CR2: variants seen among roughly 807,000 people sequenced by gnomAD.
The protein encoded by CR2 is complement C3d receptor 2.
CR2 carries 96 observed loss-of-function variants against 123.0 expected under a neutral mutation model. That is an observed-to-expected ratio of 0.78 (90% CI 0.66 to 0.93). The LOEUF is 0.93. CR2 is among the 40% of genes least tolerant of loss of function. CR2 has a pLI of 0.00. For missense variants in CR2, 1,258 were observed against 1,361.0 expected (o/e 0.92, Z 1.19); for synonymous variants, 484 against 469.5 (o/e 1.03, Z -0.40).
chr1:207,462,652 C>A (rs1657995683), intron 1 of CR2, among the ~76,000 whole-genome samples: 1 of 152,070 alleles, frequency 6.6e-6, no homozygotes, highest in Admixed American at 6.6e-5. Flanking sequence ...TTCAGTGATC[C>A]AATGAGAGAC....
intron 1 of CR2, among the ~76,000 whole-genome samples, chr1:207,463,727 C>T (rs1212116809): frequency 6.6e-6 from 1 of 152,090 alleles, no homozygotes; most frequent in Non-Finnish European, 1.5e-5. Flanking sequence ...GATTTCTTAT[C>T]TCTTTGTCTT....
rs1268655315 is a variant in CR2 at position 207,471,467 on chromosome 1, T to C, written c.1538T>C (p.Ile513Thr). ...GSVYQECQGT[I>T]PWFMEIRLCK... ...GTTTATCAGGAGTGTCAAGGCACAA[T>C]TCCTTGGTTTATGGAGATTCGTCTT... The change falls in exon 9 of 20, where the codon ATT becomes ACT. Residue 513 changes from isoleucine (I) to threonine (T), a missense_variant. By Grantham distance (89) the Ile-to-Thr change is moderately conservative (BLOSUM62 -1). Transcript: ENST00000367057. The C allele has an allele frequency of 6.2e-7, 1 of 1,612,840 alleles. No homozygotes were observed. Among genetic ancestry groups the C allele is most frequent in the Non-Finnish European group, 8.5e-7 (1 of 1,178,950 alleles).
chr1:207,456,049 G>A (rs1657826073), intron 1 of CR2, among the ~76,000 whole-genome samples: 1 of 152,074 alleles, frequency 6.6e-6, no homozygotes, highest in Non-Finnish European at 1.5e-5. Flanking sequence ...TTCCAATTAT[G>A]AAAACAAAAA....
chr1:207,479,833 C>G lies in CR2; in HGVS notation c.3113-145C>G, dbSNP rs12032512. On this transcript the variant is annotated intron_variant, in intron 17 of 19. Transcript: ENST00000367057. ...AACCTTAAGCTCAACTATGATTATT[C>G]AGGAATTCAGCATTTATGTCCAAGA... 0.43 allele frequency: 293,858 copies of G among 679,218 alleles called. 65,578 individuals carry two copies. Among genetic ancestry groups the G allele is most frequent in the South Asian group, 0.5 (30,472 of 61,516 alleles). The allele number at this position is 679,218 out of a possible 1,614,324, so 42.1% of individuals were successfully genotyped here. A position where few individuals can be genotyped will look rare whatever the true frequency, so the allele number is the denominator to read the frequency against.
At chr1:207,484,054 A>C (rs781010327) in intron 18 of CR2, among the ~76,000 whole-genome samples, 10 of 152,198 alleles carry the variant, frequency 6.6e-5, no homozygotes, top group Non-Finnish European at 1.0e-4. Flanking sequence ...TCCTCATAGG[A>C]AGTCACAAGA....
intron 15 of CR2, among the ~76,000 whole-genome samples, chr1:207,476,644 A>G (rs1415007572): frequency 6.6e-6 from 1 of 152,214 alleles, no homozygotes; most frequent in Non-Finnish European, 1.5e-5. Context: ...TCATTTACAC[A>G]TAGAAAGTTG....
Position 207,469,762 on chromosome 1 carries a change from C to T in CR2, c.885C>T (p.Val295=), listed in dbSNP as rs959152469. The T allele has an allele frequency of 1.5e-5, 25 of 1,613,914 alleles. No individual in the cohort carries two copies. Among genetic ancestry groups the T allele is most frequent in the Non-Finnish European group, 2.1e-5 (25 of 1,179,876 alleles). ...GRHIGNSLAN[V]SYGSIVTYTC... is the part of the protein sequence containing the mutation. ...ATATAGGCAACTCACTAGCAAATGTCTCATATGGAAGCATAGTCACTTACA... is the reference window on the plus strand; with the variant it reads ...ATATAGGCAACTCACTAGCAAATGTTTCATATGGAAGCATAGTCACTTACA... The change falls in exon 6 of 20, where the codon GTC becomes GTT. Residue 295 remains valine, a synonymous_variant. Transcript: ENST00000367057.
chr1:207,487,240 A>C (rs1468779973), intron 19 of CR2, among the ~76,000 whole-genome samples: 1 of 152,204 alleles, frequency 6.6e-6, no homozygotes, highest in Non-Finnish European at 1.5e-5. Flanking sequence ...TGGTAGGCCA[A>C]AAAAATGAGC....
At chr1:207,467,411 T>C (rs1178975160) in intron 2 of CR2, among the ~76,000 whole-genome samples, 3 of 152,190 alleles carry the variant, frequency 2.0e-5, no homozygotes, top group Non-Finnish European at 4.4e-5. Context: ...AGTCATCTTC[T>C]GAGCCATCAC....
rs1294680923 is a variant in CR2, at chr1:207,468,917, T to C, written c.734+18T>C. On this transcript the variant is annotated intron_variant, in intron 4 of 19. Transcript: ENST00000367057. Reference sequence around the variant, plus strand: ...GATGAAGGGTGAGTGTCAGGATTATTTATGAGATTTAATTCATTTGTCTTG... The same window carrying C: ...GATGAAGGGTGAGTGTCAGGATTATCTATGAGATTTAATTCATTTGTCTTG... 1.2e-6 allele frequency: 2 copies of C among 1,610,250 alleles called. No individual in the cohort carries two copies. Among genetic ancestry groups the C allele is most frequent in the Non-Finnish European group, 1.7e-6 (2 of 1,176,878 alleles).
At chr1:207,455,498 A>G (rs1471363087) in intron 1 of CR2, among the ~76,000 whole-genome samples, 3 of 152,332 alleles carry the variant, frequency 2.0e-5, no homozygotes, top group Middle Eastern at 3.4e-3. Flanking sequence ...TGGAGCCAGC[A>G]TTTAAGCTAA....
Position 207,471,094 on chromosome 1 carries a change from G to T in CR2, c.1493+7G>T. ...ACTCTTCTTGTGGTGAAGGGTGAGT[G>T]AAGGCTGACTTAGTCTGACCCAATT... On this transcript the variant is annotated splice_region_variant and intron_variant, in intron 8 of 19. Coordinates refer to ENST00000367057, the MANE Select transcript of CR2 (RefSeq NM_001006658.3). 1 of 1,613,394 alleles carries T rather than the reference G, an allele frequency of 6.2e-7. No homozygotes were observed. The highest frequency in any genetic ancestry group is 8.5e-7 in the Non-Finnish European group (1 of 1,179,700).
intron 6 of CR2, 38 bp downstream of exon 6, chr1:207,470,140 C>A: frequency 6.2e-7 from 1 of 1,610,870 alleles, no homozygotes; most frequent in South Asian, 1.1e-5. Context: ...GCTTCTGATT[C>A]GTTTCTGAAA....
rs746011533 is a variant in CR2 at position 207,485,534 on chromosome 1, C to T, written c.3259C>T (p.Pro1087Ser). The T allele has an allele frequency of 1.2e-6, 2 of 1,611,528 alleles. No homozygotes were observed. Among genetic ancestry groups the T allele is most frequent in the South Asian group, 1.1e-5 (1 of 91,010 alleles). The part of the protein sequence containing the change: ...LEAREVYSVD[P>S]YNPAS Reference sequence around the variant, plus strand: ...AGCACGAGAAGTATATTCTGTTGATCCATACAACCCAGCCAGCTGATCAGA... The same window carrying T: ...AGCACGAGAAGTATATTCTGTTGATTCATACAACCCAGCCAGCTGATCAGA... Residue 1087 changes from proline (P) to serine (S), a missense_variant, in exon 19 of 20, where the codon CCA (proline) becomes TCA (serine). Transcript: ENST00000367057.
rs200320927 is a variant in CR2, at chr1:207,478,071, G to A, written c.3088+1G>A. 6.2e-6 allele frequency: 10 copies of A among 1,613,196 alleles called. No individual in the cohort carries two copies. Among genetic ancestry groups the A allele is most frequent in the East Asian group, 4.5e-5 (2 of 44,786 alleles). ...CCTCCCCTGGCGGTTTGCAGATCCC[G>A]TAAGTACCAAGGGCTTCACCGCCGC... On this transcript the variant is annotated splice_donor_variant, in intron 16 of 19. Transcript: ENST00000367057. LOFTEE classifies it high-confidence loss of function.
Position 207,469,219 on chromosome 1 carries a change from G to A in CR2, c.804G>A (p.Met268Ile), listed in dbSNP as rs1434518931. Reference protein sequence around the residue: ...IAGQGVAWTKMPVCEEIFCPS... With the variant: ...IAGQGVAWTKIPVCEEIFCPS... ...GACAGGGAGTTGCTTGGACCAAAAT[G>A]CCAGTATGTGAAGGTAGGCTAGGCA... Residue 268 changes from methionine (M) to isoleucine (I), a missense_variant, in exon 5 of 20, where the codon ATG (methionine) becomes ATA (isoleucine). Coordinates refer to ENST00000367057, the MANE Select transcript of CR2 (RefSeq NM_001006658.3). 8.1e-6 allele frequency: 13 copies of A among 1,613,604 alleles called. No individual in the cohort carries two copies. The Admixed American group carries it at 1.0e-4, about 12-fold the overall frequency.
rs546651029 is a variant in CR2, at chr1:207,467,838, G to A, written c.446-689G>A. 2.2e-4 allele frequency among the ~76,000 whole-genome samples: 34 copies of A among 152,216 alleles called. No homozygotes were observed. In the South Asian group the frequency reaches 7.1e-3, roughly 32 times the overall value. On this transcript the variant is annotated intron_variant, in intron 2 of 19. Transcript: ENST00000367057. ...CATGTCGCTAAGTAGAGGAAGTAAG[G>A]CATAGAATATGTATTAGTTGTACAC...
rs926930760 is a variant in CR2, at chr1:207,472,848, A to C, written c.1647A>C (p.Gly549=). 11 of 1,614,044 alleles carry C rather than the reference A, an allele frequency of 6.8e-6. No homozygotes were observed. Among genetic ancestry groups the C allele is most frequent in the Non-Finnish European group, 8.5e-6 (10 of 1,179,954 alleles). ...TGSSLEDFPY[G]TTVTYTCNPG... ...GTTCCTTAGAAGATTTTCCATATGG[A>C]ACCACGGTCACTTACACATGTAACC... The change falls in exon 10 of 20, where the codon GGA becomes GGC. Residue 549 remains glycine, a synonymous_variant. Coordinates refer to ENST00000367057, the MANE Select transcript of CR2 (RefSeq NM_001006658.3).
chr1:207,479,569 T>G (rs745452913), intron 17 of CR2, among the ~76,000 whole-genome samples: 60 of 152,362 alleles, frequency 3.9e-4, no homozygotes, highest in Non-Finnish European at 7.6e-4. Flanking sequence ...TAGGCAGGCT[T>G]CTTCTGCTGT....
Sources: allele counts gnomAD v4.1 joint callset (sites outside exome capture counted in the v4.1 genomes callset), GRCh38; gene constraint gnomAD v4.1.1; transcripts MANE v1.5; gene names NCBI Gene and HGNC (gene_info 2026-07-23, HGNC 2026-07-21).